Variants in PRSS3 observed in about 807,000 individuals in gnomAD.
The protein encoded by PRSS3 is trypsin-3.
In PRSS3, 14 loss-of-function variants were observed where a neutral mutation model predicts 20.8. That is an observed-to-expected ratio of 0.67 (90% CI 0.44 to 1.05). The LOEUF is 1.05. Among genes scored for constraint, PRSS3 ranks in the 50% least tolerant of loss-of-function variants. The pLI is 0.00. For missense variants in PRSS3, 237 were observed against 306.4 expected, an observed-to-expected ratio of 0.77 and a Z score of 1.69; for synonymous variants, 91 against 117.6, an observed-to-expected ratio of 0.77 and a Z score of 1.46.
At chr9:33,765,143 A>G (rs550388141) in intron 1 of PRSS3, among the ~76,000 whole-genome samples, 2 of 152,338 alleles carry the variant, frequency 1.3e-5, no homozygotes, top group South Asian at 4.1e-4. Context: ...TCCTAGGTAT[A>G]CAGTCATCAC....
chr9:33,780,921 C>A (rs906697391), intron 1 of PRSS3, among the ~76,000 whole-genome samples: 1 of 152,120 alleles, frequency 6.6e-6, no homozygotes, highest in African/African-American at 2.4e-5. Flanking sequence ...TTTAGACAAC[C>A]AGACGATAAT....
rs376707823 is a variant in PRSS3, at chr9:33,798,644, C to T, written c.591+22C>T. The T allele has an allele frequency of 3.0e-5, 49 of 1,613,298 alleles. No homozygotes were observed. The African/African-American group carries it at 6.0e-4, about 20-fold the overall frequency. ...CCAGGTGATTTGACCCTTTCCCATG[C>T]TGAGGCTCCCACCGATACCCAGGCC... is the stretch of plus-strand genomic sequence containing the variant. On this transcript the variant is annotated intron_variant, in intron 4 of 4. Transcript: ENST00000379405.
At chr9:33,786,467 C>G (rs1824416016) in intron 1 of PRSS3, 2 of 719,758 alleles carry the variant, frequency 2.8e-6, no homozygotes, top group African/African-American at 1.7e-5. Flanking sequence ...AGAGATAAAG[C>G]AGAGACTTTC....
chr9:33,777,684 G>A (rs1823998786), intron 1 of PRSS3, among the ~76,000 whole-genome samples: 1 of 150,520 alleles, frequency 6.6e-6, no homozygotes, highest in African/African-American at 2.4e-5. Context: ...CTCCACCCTG[G>A]GCGACAGAGC....
chr9:33,794,826 A>C (rs191778271), upstream of PRSS3: 6,542 of 1,550,848 alleles, frequency 4.2e-3, 16 homozygotes, highest in Non-Finnish European at 5.1e-3. Context: ...TTCACATTGA[A>C]GAAGGGGAGG....
chr9:33,774,688 G>A (rs1036710948), intron 1 of PRSS3, among the ~76,000 whole-genome samples: 1 of 151,930 alleles, frequency 6.6e-6, no homozygotes, highest in Non-Finnish European at 1.5e-5. Flanking sequence ...TCAAAGGAGG[G>A]TTTAAAAAAA....
At chr9:33,779,683 A>G (rs945053589) in intron 1 of PRSS3, among the ~76,000 whole-genome samples, 3 of 152,070 alleles carry the variant, frequency 2.0e-5, no homozygotes, top group African/African-American at 7.2e-5. Context: ...CCTGGCTAAC[A>G]TGGTGAAACC....
At chr9:33,772,294 GC>G (rs1823745354) in intron 1 of PRSS3, among the ~76,000 whole-genome samples, 1 of 152,190 alleles carries the variant, frequency 6.6e-6, no homozygotes, top group African/African-American at 2.4e-5. Context: ...TGGGAAGCAG[GC>G]CTGGGTGAGA....
At chr9:33,774,382 G>T (rs1353503637) in intron 1 of PRSS3, among the ~76,000 whole-genome samples, 3 of 152,162 alleles carry the variant, frequency 2.0e-5, no homozygotes, top group African/African-American at 7.2e-5. Context: ...ACATGCTGCA[G>T]GCCCTGCTGT....
At chr9:33,774,413 C>T (rs544742970) in intron 1 of PRSS3, among the ~76,000 whole-genome samples, 28 of 152,000 alleles carry the variant, frequency 1.8e-4, no homozygotes, top group African/African-American at 4.8e-4. Context: ...GAATTTTAGA[C>T]GAGGTGAAAG....
intron 1 of PRSS3, among the ~76,000 whole-genome samples, chr9:33,790,033 T>A (rs1824564338): frequency 6.6e-6 from 1 of 152,224 alleles, no homozygotes; most frequent in African/African-American, 2.4e-5. Context: ...TTAGTGTAGT[T>A]GCTACCTAAA....
At chr9:33,785,602 T>C (rs1351901841) in intron 1 of PRSS3, among the ~76,000 whole-genome samples, 1 of 152,174 alleles carries the variant, frequency 6.6e-6, no homozygotes, top group Non-Finnish European at 1.5e-5. Context: ...GTTATGACTG[T>C]GATAACTGAA....
intron 1 of PRSS3, among the ~76,000 whole-genome samples, chr9:33,761,150 G>A (rs1392643699): frequency 6.6e-6 from 1 of 152,224 alleles, no homozygotes; most frequent in African/African-American, 2.4e-5. Flanking sequence ...GTTGTTAGGC[G>A]ATTTTGTTGT....
At chr9:33,789,926 A>G (rs923812612) in intron 1 of PRSS3, among the ~76,000 whole-genome samples, 2 of 152,220 alleles carry the variant, frequency 1.3e-5, no homozygotes, top group Non-Finnish European at 2.9e-5. Flanking sequence ...TTCTCCATAG[A>G]AAATAAGAAT....
Position 33,797,058 on chromosome 9 carries a change from A to T in PRSS3, c.200+256A>T, listed in dbSNP as rs83921. 0.59 allele frequency among the ~76,000 whole-genome samples: 90,123 copies of T among 151,994 alleles called. 27,079 individuals are homozygous for T. The highest frequency in any genetic ancestry group is 0.81 in the East Asian group (4,210 of 5,178). ...AGCAGGCAAGTACCTTTTGCTGGTT[A>T]GCTACACATTAAAGCGACCTAAGAC... On this transcript the variant is annotated intron_variant, in intron 2 of 4. Coordinates refer to ENST00000379405, the MANE Select transcript of PRSS3 (RefSeq NM_002771.4).
intron 1 of PRSS3, among the ~76,000 whole-genome samples, chr9:33,765,453 T>C (rs1017829388): frequency 6.6e-6 from 1 of 152,246 alleles, no homozygotes; most frequent in African/African-American, 2.4e-5. Context: ...AGAACTTTCA[T>C]GTTTCCACTT....
At chr9:33,789,370 A>G (rs1216300955) in intron 1 of PRSS3, among the ~76,000 whole-genome samples, 2 of 152,212 alleles carry the variant, frequency 1.3e-5, no homozygotes, top group Non-Finnish European at 2.9e-5. Context: ...CAGAATGTCT[A>G]TCTCAAACCC....
chr9:33,792,894 G>A (rs1824698589), upstream of PRSS3, among the ~76,000 whole-genome samples: 1 of 152,222 alleles, frequency 6.6e-6, no homozygotes, highest in African/African-American at 2.4e-5. Context: ...AGATGTCTTA[G>A]AGAAGAAGAC....
At chr9:33,754,259 A>C (rs759063518) in intron 1 of PRSS3, among the ~76,000 whole-genome samples, 11 of 151,930 alleles carry the variant, frequency 7.2e-5, no homozygotes, top group African/African-American at 2.7e-4. Context: ...TTTAGTAGAG[A>C]CGGGGTTTCA....
Sources: allele counts gnomAD v4.1 joint callset (sites outside exome capture counted in the v4.1 genomes callset), GRCh38; gene constraint gnomAD v4.1.1; transcripts MANE v1.5; gene names NCBI Gene and HGNC (gene_info 2026-07-23, HGNC 2026-07-21).